Variants in SHANK2 observed in about 807,000 individuals in gnomAD.
SHANK2 encodes SH3 and multiple ankyrin repeat domains 2.
SHANK2 carries 43 observed loss-of-function variants against 133.7 expected under a neutral mutation model. The ratio of observed to expected loss-of-function variants is 0.32; its 90% CI spans 0.25 to 0.41. The LOEUF (loss-of-function observed/expected upper bound fraction) is 0.41, where lower values mean the gene tolerates loss of function less well. Ranked by LOEUF, SHANK2 falls within the 10% of genes least tolerant of loss-of-function variation. The pLI is 1.00. For missense variants in SHANK2, 1,994 were observed against 2,235.8 expected, an observed-to-expected ratio of 0.89 and a Z score of 2.18; for synonymous variants, 1,017 against 952.8, an observed-to-expected ratio of 1.07 and a Z score of -1.24.
chr11:71,167,421 C>T (rs1555111157), intron 2 of SHANK2, among the ~76,000 whole-genome samples: 1 of 145,288 alleles, frequency 6.9e-6, no homozygotes, highest in Admixed American at 6.9e-5. Context: ...GGGCTGACCC[C>T]CCCCACCTCC....
chr11:71,167,659 G>A (rs1185548031), intron 2 of SHANK2, among the ~76,000 whole-genome samples: 6 of 147,616 alleles, frequency 4.1e-5, no homozygotes, highest in South Asian at 2.2e-4. Flanking sequence ...ACAGCTGGCC[G>A]GGCGGGGGGC....
intron 17 of SHANK2, among the ~76,000 whole-genome samples, chr11:70,533,140 A>G (rs2059498654): frequency 6.6e-6 from 1 of 152,186 alleles, no homozygotes; most frequent in African/African-American, 2.4e-5. Context: ...TTCTGGGGTG[A>G]TGGAAATGTC....
chr11:71,163,221 T>G (rs1555110211), intron 2 of SHANK2, among the ~76,000 whole-genome samples: 1 of 151,430 alleles, frequency 6.6e-6, no homozygotes, highest in Non-Finnish European at 1.5e-5. Context: ...TTATAATGTT[T>G]GTTTAATACT....
chr11:71,169,320 A>T (rs540301887), intron 2 of SHANK2, among the ~76,000 whole-genome samples: 1 of 152,372 alleles, frequency 6.6e-6, no homozygotes, highest in African/African-American at 2.4e-5. Context: ...TTGCACATCC[A>T]GCAAGGCTGA....
At chr11:70,484,021 G>T (rs1322383692) in intron 25 of SHANK2, among the ~76,000 whole-genome samples, 1 of 152,222 alleles carries the variant, frequency 6.6e-6, no homozygotes, top group East Asian at 1.9e-4. Context: ...CCCAGCAGGG[G>T]TATGGAGAGA....
chr11:70,539,955 G>C (rs570712860), intron 17 of SHANK2, among the ~76,000 whole-genome samples: 12 of 152,250 alleles, frequency 7.9e-5, no homozygotes, highest in African/African-American at 2.9e-4. Flanking sequence ...GGTGTCCCTG[G>C]CTTGGAGGAG....
intron 10 of SHANK2, among the ~76,000 whole-genome samples, chr11:70,945,702 G>T (rs1555085242): frequency 6.6e-6 from 1 of 152,180 alleles, no homozygotes; most frequent in Non-Finnish European, 1.5e-5. Context: ...TTTGCTTAGA[G>T]AGACAACAGA....
At chr11:70,945,562 G>A (rs1275602416) in intron 10 of SHANK2, among the ~76,000 whole-genome samples, 5 of 152,152 alleles carry the variant, frequency 3.3e-5, no homozygotes, top group Admixed American at 2.6e-4. Context: ...TTCACACAAC[G>A]GAGCCCAGGG....
chr11:70,533,596 A>G (rs1250263097), intron 17 of SHANK2, among the ~76,000 whole-genome samples: 1 of 152,084 alleles, frequency 6.6e-6, no homozygotes, highest in Non-Finnish European at 1.5e-5. Context: ...CTGTTCCCCA[A>G]TGACTGGCTC....
chr11:71,086,004 AT>A lies in SHANK2; in HGVS notation c.912+6417del, dbSNP rs1951398399. The stretch of plus-strand genomic sequence containing the variant: ...TGTTATATATTATATTATGTTATAT[AT>A]TATTATATATAACATATTATATGTT... On this transcript the variant is annotated intron_variant, in intron 8 of 25. Transcript: ENST00000601538. Among the ~76,000 whole-genome samples, 140 of 84,932 alleles carry A rather than the reference AT, an allele frequency of 1.6e-3. 1 individual carries two copies. Among genetic ancestry groups the A allele is most frequent in the African/African-American group, 6.1e-3 (121 of 19,894 alleles). 55.7% of individuals were successfully genotyped at this position (84,932 alleles called of 152,430 possible). A position where few individuals can be genotyped will look rare whatever the true frequency, so the allele number is the denominator to read the frequency against.
At chr11:71,154,054 T>C (rs1333733235) in intron 2 of SHANK2, among the ~76,000 whole-genome samples, 5 of 152,090 alleles carry the variant, frequency 3.3e-5, no homozygotes, top group Admixed American at 3.3e-4. Context: ...GAAAAGAAGG[T>C]TTTTATTGAT....
Position 70,490,395 on chromosome 11 carries a change from C to T in SHANK2, c.2440-8G>A, listed in dbSNP as rs898240599. On this transcript the variant is annotated splice_region_variant and splice_polypyrimidine_tract_variant and intron_variant, in intron 22 of 25. Transcript: ENST00000601538. ...TTGGCGTTCGTACACAGACTGCAAA[C>T]CAGAGAGCCTAGGGTGAGACGCAGC... 2.5e-6 allele frequency: 4 copies of T among 1,612,750 alleles called. No individual in the cohort carries two copies. In the South Asian group the frequency reaches 3.3e-5, roughly 13 times the overall value.
At chr11:70,944,086 C>T (rs79427538) in intron 10 of SHANK2, 18,974 of 395,158 alleles carry the variant, frequency 0.048, 1,070 homozygotes, top group African/African-American at 0.17. Context: ...GGTAGGCAGT[C>T]GACTGCAATT....
chr11:71,139,241 G>A (rs1249919012), intron 3 of SHANK2, among the ~76,000 whole-genome samples: 11 of 151,958 alleles, frequency 7.2e-5, no homozygotes, highest in African/African-American at 2.4e-4. Context: ...TCAGGGAGAG[G>A]CGGATGCGGG....
chr11:71,072,456 G>A (rs908227863), intron 9 of SHANK2, among the ~76,000 whole-genome samples: 28 of 152,316 alleles, frequency 1.8e-4, no homozygotes, highest in African/African-American at 6.3e-4. Context: ...TTCACGTCCT[G>A]CTCTCCTCGG....
chr11:71,205,122 C>G (rs1555117796), intron 2 of SHANK2, among the ~76,000 whole-genome samples: 1 of 152,160 alleles, frequency 6.6e-6, no homozygotes, highest in African/African-American at 2.4e-5. Context: ...TCCGTAGCAC[C>G]CTTGTGTAAT....
In SHANK2 at chr11:71,086,216, TATATA is replaced by T. The variant is rs1483390362; in HGVS notation, c.912+6201_912+6205del. Among the ~76,000 whole-genome samples the T allele has an allele frequency of 3.9e-4, 34 of 86,986 alleles. 2 individuals carry two copies. In the East Asian group the frequency reaches 8.8e-3, roughly 23 times the overall value. The allele number at this position is 86,986 out of a possible 152,430, so 57.1% of individuals were successfully genotyped here. ...TATTAAATTATATAATATATTATGTTATATAATATATTAAATTATATAATATATTA... is the reference window on the plus strand; with the variant it reads ...TATTAAATTATATAATATATTATGTTATATATTAAATTATATAATATATTA... On this transcript the variant is annotated intron_variant, in intron 8 of 25. Coordinates refer to ENST00000601538, the MANE Select transcript of SHANK2 (RefSeq NM_012309.5).
At chr11:70,815,349 G>A (rs1439527282) in intron 12 of SHANK2, among the ~76,000 whole-genome samples, 1 of 152,110 alleles carries the variant, frequency 6.6e-6, no homozygotes, top group Non-Finnish European at 1.5e-5. Context: ...ACAAGTGTGG[G>A]GCGTGTTCCT....
intron 17 of SHANK2, among the ~76,000 whole-genome samples, chr11:70,567,320 T>G (rs2059980057): frequency 6.6e-6 from 1 of 152,142 alleles, no homozygotes; most frequent in South Asian, 2.1e-4. Flanking sequence ...CCCGGCTGAC[T>G]GGTGTCCTTA....
Sources: gnomAD v4.1 joint callset for allele counts (sites outside exome capture counted in the v4.1 genomes callset) on GRCh38, gnomAD v4.1.1 for gene constraint, MANE v1.5 for transcripts, NCBI Gene and HGNC (gene_info 2026-07-23, HGNC 2026-07-21) for gene names.